Variants in MAGI2 observed in about 807,000 individuals in gnomAD.
MAGI2 encodes membrane associated guanylate kinase, WW and PDZ domain containing 2, also known as membrane-associated guanylate kinase, WW and PDZ domain-containing protein 2.
MAGI2 carries 35 observed loss-of-function variants against 133.3 expected under a neutral mutation model. That is an observed-to-expected ratio of 0.26 (90% CI 0.20 to 0.35). The LOEUF is 0.35. Among genes scored for constraint, MAGI2 ranks in the 10% least tolerant of loss-of-function variants. MAGI2 has a pLI of 1.00. For missense variants in MAGI2, 1,636 were observed against 1,863.4 expected (o/e 0.88, Z 2.25); for synonymous variants, 729 against 710.6 (o/e 1.03, Z -0.41).
At chr7:78,390,642 T>A (rs1043563145) in intron 6 of MAGI2, among the ~76,000 whole-genome samples, 3 of 83,064 alleles carry the variant, frequency 3.6e-5, no homozygotes, top group African/African-American at 1.4e-4. Flanking sequence ...CTGGTGGGGG[T>A]GGGGGGTGGA....
chr7:78,820,340 A>G (rs1789984917), intron 2 of MAGI2, among the ~76,000 whole-genome samples: 1 of 151,974 alleles, frequency 6.6e-6, no homozygotes. Flanking sequence ...TTCTTCAAGG[A>G]TAACAGCAGG....
chr7:78,109,910 T>A (rs547437760), intron 20 of MAGI2, among the ~76,000 whole-genome samples: 1 of 152,162 alleles, frequency 6.6e-6, no homozygotes, highest in Non-Finnish European at 1.5e-5. Flanking sequence ...ACCTGACTTA[T>A]ATTTCCTAAA....
At chr7:78,494,809 T>C (rs925772598) in intron 5 of MAGI2, among the ~76,000 whole-genome samples, 1 of 152,116 alleles carries the variant, frequency 6.6e-6, no homozygotes, top group Non-Finnish European at 1.5e-5. Flanking sequence ...GAAACAGACT[T>C]AAAACAATGA....
At chr7:79,374,340 A>T (rs1057467791) in intron 1 of MAGI2, among the ~76,000 whole-genome samples, 11 of 151,546 alleles carry the variant, frequency 7.3e-5, no homozygotes, top group Non-Finnish European at 1.6e-4. Context: ...ACACACACAC[A>T]CACACACAAA....
rs143640576 is a variant in MAGI2 at position 78,553,645 on chromosome 7, C to G, written c.539-32000G>C. Among the ~76,000 whole-genome samples, 222 of 152,328 alleles carry G rather than the reference C, an allele frequency of 1.5e-3. 1 individual carries two copies. The highest frequency in any genetic ancestry group is 4.9e-3 in the African/African-American group (205 of 41,564). On this transcript the variant is annotated intron_variant, in intron 3 of 21. Coordinates refer to ENST00000354212, the MANE Select transcript of MAGI2 (RefSeq NM_012301.4). The stretch of plus-strand genomic sequence containing the variant: ...TGAAGCCCCAACAATGTTCTAGACA[C>G]TGTCCTGGGTGCTAGATACATCCAT...
intron 1 of MAGI2, among the ~76,000 whole-genome samples, chr7:79,425,337 T>C (rs191283589): frequency 7.4e-4 from 112 of 151,926 alleles, no homozygotes; most frequent in Non-Finnish European, 1.4e-3. Flanking sequence ...GGCTCAGCCA[T>C]TGGGATTAAG....
chr7:79,061,326 C>A (rs1249995364), intron 1 of MAGI2, among the ~76,000 whole-genome samples: 1 of 150,244 alleles, frequency 6.7e-6, no homozygotes, highest in African/African-American at 2.4e-5. Context: ...TTTTCTCGGG[C>A]CTTTCATTAT....
chr7:78,784,556 A>G (rs1057010154), intron 2 of MAGI2, among the ~76,000 whole-genome samples: 17 of 152,216 alleles, frequency 1.1e-4, no homozygotes, highest in African/African-American at 3.9e-4. Flanking sequence ...ATAGTAGGTC[A>G]TAAGACCCTG....
At chr7:78,765,871 TAG>T (rs1465276432) in intron 2 of MAGI2, among the ~76,000 whole-genome samples, 2 of 151,828 alleles carry the variant, frequency 1.3e-5, no homozygotes, top group Non-Finnish European at 1.5e-5. Flanking sequence ...GCACATTTTA[TAG>T]AGAGAGCCAA....
intron 1 of MAGI2, among the ~76,000 whole-genome samples, chr7:79,323,808 G>A (rs1358247937): frequency 6.6e-6 from 1 of 152,116 alleles, no homozygotes; most frequent in Non-Finnish European, 1.5e-5. Context: ...AGGTGTATAT[G>A]GGAGCCTTGT....
chr7:79,119,324 A>G (rs1819678316), intron 1 of MAGI2, among the ~76,000 whole-genome samples: 1 of 152,140 alleles, frequency 6.6e-6, no homozygotes. Context: ...AAGCAACGGT[A>G]TGAATCAAGT....
chr7:78,610,431 G>A (rs10485909), intron 3 of MAGI2, among the ~76,000 whole-genome samples: 6,975 of 152,196 alleles, frequency 0.046, 227 homozygotes, highest in East Asian at 0.079. Context: ...CAACCACTTG[G>A]CTTTACAGGG....
At chr7:78,618,210 GA>G (rs1807317672) in intron 3 of MAGI2, 1 of 151,924 alleles carries the variant, frequency 6.6e-6, no homozygotes, top group Non-Finnish European at 1.5e-5. Context: ...TATCTATGGG[GA>G]TATTTCAGAG....
chr7:78,730,412 CAA>C (rs34294077), intron 2 of MAGI2, among the ~76,000 whole-genome samples: 15,843 of 138,138 alleles, frequency 0.11, 934 homozygotes, highest in East Asian at 0.23. Flanking sequence ...AATACTAAGC[CAA>C]AAAAAAAAAA....
chr7:78,664,204 C>G (rs934229905), intron 2 of MAGI2, among the ~76,000 whole-genome samples: 9 of 152,070 alleles, frequency 5.9e-5, no homozygotes, highest in African/African-American at 2.2e-4. Flanking sequence ...TATGTGTGGA[C>G]CCATGTTGAT....
At chr7:78,402,449 T>A (rs1343256660) in intron 6 of MAGI2, among the ~76,000 whole-genome samples, 1 of 152,010 alleles carries the variant, frequency 6.6e-6, no homozygotes, top group Non-Finnish European at 1.5e-5. Flanking sequence ...TGTGTCCACC[T>A]CGGGCGTGTG....
At chr7:78,545,199 T>G (rs1798724811) in intron 3 of MAGI2, among the ~76,000 whole-genome samples, 1 of 146,448 alleles carries the variant, frequency 6.8e-6, no homozygotes, top group African/African-American at 2.5e-5. Context: ...AATAATCTGA[T>G]AATAACCTGA....
At chr7:79,135,761 C>T (rs994854902) in intron 1 of MAGI2, among the ~76,000 whole-genome samples, 5 of 151,592 alleles carry the variant, frequency 3.3e-5, no homozygotes, top group Non-Finnish European at 4.4e-5. Context: ...GGCAACATAG[C>T]AATACTCTGT....
intron 1 of MAGI2, among the ~76,000 whole-genome samples, chr7:79,157,175 C>T (rs1192170957): frequency 1.3e-5 from 2 of 152,014 alleles, no homozygotes; most frequent in East Asian, 3.9e-4. Flanking sequence ...CTGTTGTTTT[C>T]ATATGTAAAT....
Sources: allele counts gnomAD v4.1 joint callset (sites outside exome capture counted in the v4.1 genomes callset), GRCh38; gene constraint gnomAD v4.1.1; transcripts MANE v1.5; gene names NCBI Gene and HGNC (gene_info 2026-07-23, HGNC 2026-07-21).